ZNF605: variants seen among roughly 807,000 people sequenced by gnomAD.
ZNF605 encodes zinc finger protein 605.
A neutral mutation model predicts 7.9 loss-of-function variants in ZNF605; 9 were observed. The ratio of observed to expected loss-of-function variants is 1.14; its 90% CI spans 0.68 to 1.98. The LOEUF (loss-of-function observed/expected upper bound fraction) is 1.98, where lower values mean the gene tolerates loss of function less well. Ranked by LOEUF, ZNF605 falls within the 30% of genes most tolerant of loss-of-function variation. ZNF605 has a pLI of 0.00. For missense variants in ZNF605, 673 were observed against 762.4 expected (o/e 0.88, Z 1.38); for synonymous variants, 255 against 260.1 (o/e 0.98, Z 0.19).
rs1952442950 is a variant in ZNF605, at chr12:132,941,684, C to T, written c.15+3937G>A. ...TGGACTACGCAGCTCAGGCAAGCGACCTCAGGCCTCACGCAGCCGTTCCCC... is the reference window on the plus strand; with the variant it reads ...TGGACTACGCAGCTCAGGCAAGCGATCTCAGGCCTCACGCAGCCGTTCCCC... On this transcript the variant is annotated intron_variant, in intron 3 of 4. Transcript: ENST00000360187. The surrounding 1 kb of genome is among the most constrained non-coding windows in gnomAD (Gnocchi z 5.1). Among the ~76,000 whole-genome samples the T allele has an allele frequency of 6.6e-6, 1 of 152,240 alleles. No individual in the cohort carries two copies. The highest frequency in any genetic ancestry group is 1.5e-5 in the Non-Finnish European group (1 of 68,046).
chr12:132,951,761 C>T (rs1952572251), intron 1 of ZNF605, among the ~76,000 whole-genome samples: 2 of 151,974 alleles, frequency 1.3e-5, no homozygotes, highest in Non-Finnish European at 2.9e-5. Context: ...CAACACACAT[C>T]ACACAGACAA....
chr12:132,931,372 GA>G (rs766023926), intron 4 of ZNF605, among the ~76,000 whole-genome samples: 10 of 151,900 alleles, frequency 6.6e-5, no homozygotes, highest in African/African-American at 1.9e-4. Context: ...TCTTTATGGG[GA>G]AAAAAATCTT....
chr12:132,954,296 C>T (rs1952607118), intron 1 of ZNF605, among the ~76,000 whole-genome samples: 3 of 142,552 alleles, frequency 2.1e-5, no homozygotes, highest in African/African-American at 8.1e-5. Flanking sequence ...ACTCTGAGTC[C>T]CAAAGGATCC....
At position 132,926,181 on chromosome 12, in the gene ZNF605, G is replaced by T. The variant is rs770677554; in HGVS notation, c.1118C>A (p.Ala373Asp). The T allele has an allele frequency of 1.9e-6, 3 of 1,614,146 alleles. No individual in the cohort carries two copies. Among genetic ancestry groups the T allele is most frequent in the East Asian group, 4.5e-5 (2 of 44,872 alleles). Residue 373 changes from alanine (A) to aspartate (D), a missense_variant, in exon 5 of 5, where the codon GCC (alanine) becomes GAC (aspartate). Physicochemically the swap from Ala to Asp is moderately radical, Grantham distance 126. Transcript: ENST00000360187. ...KPYECNECGE[A>D]FIRKPQLIKH... Reference sequence around the variant, plus strand: ...AATCAGCTGTGGTTTTCTGATGAAGGCTTCACCACATTCGTTGCATTCGTA... The same window carrying T: ...AATCAGCTGTGGTTTTCTGATGAAGTCTTCACCACATTCGTTGCATTCGTA...
At chr12:132,937,314 G>T (rs942452113) in intron 3 of ZNF605, among the ~76,000 whole-genome samples, 1,962 of 148,376 alleles carry the variant, frequency 0.013, 47 homozygotes, top group African/African-American at 0.047. Context: ...AGCCGAGATG[G>T]TGCCATTGCA....
intron 3 of ZNF605, among the ~76,000 whole-genome samples, chr12:132,934,259 C>T (rs1226478939): frequency 1.1e-4 from 16 of 151,838 alleles, no homozygotes; most frequent in Non-Finnish European, 2.9e-5. Context: ...GCCTGGGCAA[C>T]AGAGCAAGAC....
chr12:132,939,310 T>C (rs1952406576), intron 3 of ZNF605, among the ~76,000 whole-genome samples: 1 of 152,102 alleles, frequency 6.6e-6, no homozygotes, highest in Non-Finnish European at 1.5e-5. Context: ...GGTTTGTGAG[T>C]GCACCAATCA....
intron 3 of ZNF605, chr12:132,945,329 A>T: frequency 9.4e-7 from 1 of 1,059,470 alleles, no homozygotes; most frequent in Non-Finnish European, 1.5e-6. Context: ...CCAAGTTTAT[A>T]TTTTCTCTTA....
chr12:132,954,375 G>A (rs1271621357), intron 1 of ZNF605, among the ~76,000 whole-genome samples: 5 of 105,852 alleles, frequency 4.7e-5, no homozygotes, highest in Non-Finnish European at 7.8e-5. Context: ...CGGGGGAGAA[G>A]GGGCTTCAGT....
At chr12:132,947,387 C>A (rs546751977) in intron 2 of ZNF605, among the ~76,000 whole-genome samples, 1 of 151,622 alleles carries the variant, frequency 6.6e-6, no homozygotes, top group African/African-American at 2.4e-5. Flanking sequence ...CTTGGCTCAC[C>A]GTAGCCTCAA....
At position 132,920,258 on chromosome 12, in the gene ZNF605, G is replaced by T. The variant is rs1002516360; in HGVS notation, c.*5115C>A. The T allele has an allele frequency of 6.6e-5, 10 of 152,240 alleles. No individual in the cohort carries two copies. Among genetic ancestry groups the T allele is most frequent in the African/African-American group, 2.4e-4 (10 of 41,414 alleles). The allele number at this position is 152,240 out of a possible 1,614,324, so 9.4% of individuals were successfully genotyped here. ...AGGTTCACGCCATTCTCCTGCCTCA[G>T]CCTCCTGAGTAGCTGGGACTACAGG... is the stretch of plus-strand genomic sequence containing the variant. On this transcript the variant is annotated 3_prime_UTR_variant, in exon 5 of 5. Transcript: ENST00000360187.
chr12:132,939,691 G>C (rs567954531), intron 3 of ZNF605, among the ~76,000 whole-genome samples: 1,941 of 152,278 alleles, frequency 0.013, 49 homozygotes, highest in African/African-American at 0.045. Flanking sequence ...CAGGCTGCCC[G>C]AGCCAGCAGT....
chr12:132,953,374 T>G (rs1952593033), intron 1 of ZNF605, among the ~76,000 whole-genome samples: 1 of 152,106 alleles, frequency 6.6e-6, no homozygotes, highest in Non-Finnish European at 1.5e-5. Context: ...GACCACAGAC[T>G]CCACAGACTG....
At position 132,956,232 on chromosome 12, in the gene ZNF605, C is replaced by G. The variant is rs755135482; in HGVS notation, c.-286+11G>C. Reference sequence around the variant, plus strand: ...GCCTCGTGGTCCCGCCCCCGCTGCACGCTCCCTTACCCCTCGGACCTCGCA... The same window carrying G: ...GCCTCGTGGTCCCGCCCCCGCTGCAGGCTCCCTTACCCCTCGGACCTCGCA... On this transcript the variant is annotated intron_variant, in intron 1 of 4. Coordinates refer to ENST00000360187, the MANE Select transcript of ZNF605 (RefSeq NM_183238.4). 6.6e-6 allele frequency: 1 copy of G among 152,226 alleles called. No individual in the cohort carries two copies. The highest frequency in any genetic ancestry group is 1.5e-5 in the Non-Finnish European group (1 of 68,084). 9.4% of individuals were successfully genotyped at this position (152,226 alleles called of 1,614,324 possible). A position where few individuals can be genotyped will look rare whatever the true frequency, so the allele number is the denominator to read the frequency against.
At chr12:132,938,958 C>T (rs1456166685) in intron 3 of ZNF605, among the ~76,000 whole-genome samples, 2 of 151,944 alleles carry the variant, frequency 1.3e-5, no homozygotes, top group Non-Finnish European at 2.9e-5. Flanking sequence ...GCGCTGCGCT[C>T]GATTTCTCAC....
intron 4 of ZNF605, 71 bp downstream of exon 4, chr12:132,932,964 C>T: frequency 2.0e-6 from 3 of 1,502,292 alleles, no homozygotes; most frequent in Admixed American, 2.2e-5. Context: ...GTAAAACTTA[C>T]ATCCAAAATA....
intron 3 of ZNF605, among the ~76,000 whole-genome samples, chr12:132,943,712 A>G (rs955228920): frequency 6.6e-6 from 1 of 151,892 alleles, no homozygotes; most frequent in Admixed American, 6.6e-5. Context: ...GGTCCAAAAA[A>G]ATTGCTGGAG....
At chr12:132,946,398 G>T (rs902615082) in intron 2 of ZNF605, among the ~76,000 whole-genome samples, 2 of 152,220 alleles carry the variant, frequency 1.3e-5, no homozygotes, top group South Asian at 2.1e-4. Flanking sequence ...GAGCTGAGGC[G>T]TGGGTCTGAG....
chr12:132,925,565 T>C lies in ZNF605; in HGVS notation c.1734A>G (p.Ile578Met), dbSNP rs1182905846. 3 of 1,614,146 alleles carry C rather than the reference T, an allele frequency of 1.9e-6. No individual in the cohort carries two copies. Among genetic ancestry groups the C allele is most frequent in the Middle Eastern group, 1.6e-4 (1 of 6,062 alleles). The change falls in exon 5 of 5, where the codon ATA becomes ATG. Residue 578 changes from isoleucine to methionine, a missense_variant. Ile to Met is a conservative substitution (Grantham distance 10). Transcript: ENST00000360187. ...KAFFEKAQLI[I>M]HQRIHTGERP... ...TCTCTCCTGTATGAATTCTCTGATG[T>C]ATAATCAGCTGTGCCTTCTCAAAGA...
Sources: gnomAD v4.1 joint callset for allele counts (sites outside exome capture counted in the v4.1 genomes callset) on GRCh38, gnomAD v4.1.1 for gene constraint, Gnocchi (gnomAD v3.1) non-coding constraint, MANE v1.5 for transcripts, NCBI Gene and HGNC (gene_info 2026-07-23, HGNC 2026-07-21) for gene names.